The following TACC2 variants were observed in gnomAD, a reference collection of about 807,000 sequenced individuals.
TACC2 encodes the protein transforming acidic coiled-coil-containing protein 2.
TACC2 carries 137 observed loss-of-function variants against 227.3 expected under a neutral mutation model. The ratio of observed to expected loss-of-function variants is 0.60; its 90% CI spans 0.52 to 0.69. The LOEUF (loss-of-function observed/expected upper bound fraction) is 0.69. Ranked by LOEUF, TACC2 falls within the 30% of genes least tolerant of loss-of-function variation. The probability of loss-of-function intolerance (pLI) is 0.00; values close to 1 mark genes in which losing one functional copy is unlikely to be tolerated. For missense variants in TACC2, 3,470 were observed against 3,694.4 expected (o/e 0.94, Z 1.57); for synonymous variants, 1,523 against 1,487.5 (o/e 1.02, Z -0.55).
chr10:122,096,691 G>T (rs55636533), intron 5 of TACC2, among the ~76,000 whole-genome samples: 1 of 113,820 alleles, frequency 8.8e-6, no homozygotes. Context: ...GCAAAACTCC[G>T]TCTCAAAAAA....
At chr10:122,160,393 A>G (rs979586252) in intron 7 of TACC2, among the ~76,000 whole-genome samples, 2 of 152,152 alleles carry the variant, frequency 1.3e-5, no homozygotes, top group Non-Finnish European at 2.9e-5. Context: ...GATGGCTTAA[A>G]TAGAAAACAG....
chr10:122,047,179 C>T (rs1472518534), intron 2 of TACC2, among the ~76,000 whole-genome samples: 1 of 143,922 alleles, frequency 6.9e-6, no homozygotes, highest in Non-Finnish European at 1.5e-5. Context: ...GTCCCAGCTA[C>T]TTAGGAGGCT....
chr10:122,084,391 C>A lies in TACC2; in HGVS notation c.1891C>A (p.His631Asn), dbSNP rs759897081. Residue 631 changes from histidine to asparagine, a missense_variant, in exon 4 of 23, where the codon CAC becomes AAC. Coordinates refer to ENST00000369005, the MANE Select transcript of TACC2 (RefSeq NM_206862.4). ...AGAGAGCAGAGACCATCCCAGCTCA[C>A]ACTCAGCACAGCCACCCAGAAAGGG... is the stretch of plus-strand genomic sequence containing the variant. ...DAESRDHPSS[H>N]SAQPPRKGGA... 6.2e-7 allele frequency: 1 copy of A among 1,613,290 alleles called. No homozygotes were observed. The highest frequency in any genetic ancestry group is 1.7e-5 in the Admixed American group (1 of 60,030).
chr10:122,112,871 G>A (rs1333611241), intron 5 of TACC2, among the ~76,000 whole-genome samples: 2 of 152,028 alleles, frequency 1.3e-5, no homozygotes, highest in Non-Finnish European at 2.9e-5. Flanking sequence ...GTCTGGGCGC[G>A]CCCGGCCCCG....
intron 5 of TACC2, among the ~76,000 whole-genome samples, chr10:122,114,840 C>T (rs919825440): frequency 6.6e-6 from 1 of 152,174 alleles, no homozygotes; most frequent in Non-Finnish European, 1.5e-5. Context: ...CAGGATTAGC[C>T]CCTTGTCTCT....
intron 7 of TACC2, among the ~76,000 whole-genome samples, chr10:122,187,782 G>A (rs973647616): frequency 3.3e-5 from 5 of 152,120 alleles, no homozygotes; most frequent in African/African-American, 1.2e-4. Flanking sequence ...GTGAGCCGCG[G>A]TGCCCAGCCC....
At position 122,251,540 on chromosome 10, in the gene TACC2, A is replaced by G. The variant is rs1305907440; in HGVS notation, c.8781+1876A>G. On this transcript the variant is annotated intron_variant, in intron 22 of 22. Transcript: ENST00000369005. ...AAAATGGAATGTTTCATTAAAATAA[A>G]GATCATACTAGAAGCCAGGCATGTT... 2.0e-5 allele frequency among the ~76,000 whole-genome samples: 3 copies of G among 152,302 alleles called. No homozygotes were observed. The East Asian group carries it at 5.8e-4, about 29-fold the overall frequency.
chr10:122,073,106 C>CAAAAA lies in TACC2; in HGVS notation c.147-9524_147-9520dup, dbSNP rs1164376721. 1.8e-3 allele frequency among the ~76,000 whole-genome samples: 35 copies of CAAAAA among 19,412 alleles called. 4 individuals are homozygous for CAAAAA. Among genetic ancestry groups the CAAAAA allele is most frequent in the Middle Eastern group, 0.038 (1 of 26 alleles). The allele number at this position is 19,412 out of a possible 152,430, so 12.7% of individuals were successfully genotyped here. A position where few individuals can be genotyped will look rare whatever the true frequency, so the allele number is the denominator to read the frequency against. ...CCAGCCTGGGTGACAGACTCTGTCT[C>CAAAAA]AAAAAAAAAAAAAAAAAAAAATATA... On this transcript the variant is annotated intron_variant, in intron 3 of 22. Coordinates refer to ENST00000369005, the MANE Select transcript of TACC2 (RefSeq NM_206862.4).
chr10:122,162,858 C>T (rs1018841861), intron 7 of TACC2, among the ~76,000 whole-genome samples: 13 of 152,102 alleles, frequency 8.5e-5, no homozygotes, highest in African/African-American at 3.1e-4. Context: ...GCCCTGTACA[C>T]GCATGCTGCA....
At chr10:122,207,421 G>A (rs758686330) in intron 8 of TACC2, among the ~76,000 whole-genome samples, 1 of 152,212 alleles carries the variant, frequency 6.6e-6, no homozygotes, top group Non-Finnish European at 1.5e-5. Context: ...CAATAAGACA[G>A]CCGTTCCCAA....
intron 5 of TACC2, among the ~76,000 whole-genome samples, chr10:122,121,763 T>G (rs2138432555): frequency 6.6e-6 from 1 of 152,294 alleles, no homozygotes; most frequent in Non-Finnish European, 1.5e-5. Context: ...GGCTGTGGGC[T>G]AAGAATTCAG....
intron 3 of TACC2, among the ~76,000 whole-genome samples, chr10:122,069,256 T>A (rs2077752905): frequency 6.6e-6 from 1 of 152,056 alleles, no homozygotes; most frequent in Non-Finnish European, 1.5e-5. Context: ...TTTTTTTTTT[T>A]TTTGAGACGG....
At chr10:122,242,460 T>C (rs945700264) in intron 19 of TACC2, among the ~76,000 whole-genome samples, 3 of 152,168 alleles carry the variant, frequency 2.0e-5, no homozygotes, top group Non-Finnish European at 4.4e-5. Flanking sequence ...GTCCGCCTCC[T>C]TCCTCCCGTG....
Position 122,210,165 on chromosome 10 carries a change from C to T in TACC2, c.5972-232C>T, listed in dbSNP as rs537648787. ...TCTGAGCTGTTCTTTAATCGGTCCT[C>T]ATGATCCTCATTGTACAGATGAGGG... On this transcript the variant is annotated intron_variant, in intron 8 of 22. Transcript: ENST00000369005. The surrounding 1 kb of genome is among the most constrained non-coding windows in gnomAD (Gnocchi z 4.6). 1.7e-6 allele frequency: 1 copy of T among 590,030 alleles called. No homozygotes were observed. Among genetic ancestry groups the T allele is most frequent in the East Asian group, 2.9e-5 (1 of 34,670 alleles). 36.5% of individuals were successfully genotyped at this position (590,030 alleles called of 1,614,324 possible). A position where few individuals can be genotyped will look rare whatever the true frequency, so the allele number is the denominator to read the frequency against.
At chr10:122,159,535 C>T (rs1303492506) in intron 7 of TACC2, among the ~76,000 whole-genome samples, 1 of 152,172 alleles carries the variant, frequency 6.6e-6, no homozygotes, top group African/African-American at 2.4e-5. Flanking sequence ...TCAGGCACTG[C>T]TGGGTGCAGA....
chr10:122,142,827 G>A (rs775473839), intron 6 of TACC2, among the ~76,000 whole-genome samples: 4 of 152,252 alleles, frequency 2.6e-5, no homozygotes, highest in Non-Finnish European at 5.9e-5. Flanking sequence ...CACCCTGAAA[G>A]CTGTTCCCAG....
intron 5 of TACC2, among the ~76,000 whole-genome samples, chr10:122,102,022 T>A (rs975691437): frequency 1.3e-5 from 2 of 152,130 alleles, no homozygotes; most frequent in Non-Finnish European, 2.9e-5. Flanking sequence ...GATTTCATCA[T>A]TGTGCAAACA....
chr10:122,163,822 C>T, intron 7 of TACC2: 1 of 1,463,718 alleles, frequency 6.8e-7, no homozygotes, highest in Non-Finnish European at 9.0e-7. Flanking sequence ...TGCAGTGCAG[C>T]AACCCCGGCC....
chr10:122,033,199 T>C (rs757322043), intron 2 of TACC2: 185 of 1,222,364 alleles, frequency 1.5e-4, no homozygotes, highest in Admixed American at 1.8e-4. Context: ...CTCAGCCCCT[T>C]CCTAACGTCT....
Sources: gnomAD v4.1 joint callset for allele counts (sites outside exome capture counted in the v4.1 genomes callset) on GRCh38, gnomAD v4.1.1 for gene constraint, Gnocchi (gnomAD v3.1) non-coding constraint, MANE v1.5 for transcripts, NCBI Gene and HGNC (gene_info 2026-07-23, HGNC 2026-07-21) for gene names.